Variants in PTPRG observed in about 807,000 individuals in gnomAD.
PTPRG encodes protein tyrosine phosphatase receptor type G.
Under a neutral mutation model 165.3 loss-of-function variants are expected in PTPRG, and 102 were observed. That is an observed-to-expected ratio of 0.62 (90% CI 0.53 to 0.73). PTPRG has a LOEUF of 0.73. Among genes scored for constraint, PTPRG ranks in the 30% least tolerant of loss-of-function variants. The probability of loss-of-function intolerance (pLI) is 0.00; values close to 1 mark genes in which losing one functional copy is unlikely to be tolerated. For synonymous variants in PTPRG, 675 were observed against 669.5 expected, an observed-to-expected ratio of 1.01 and a Z score of -0.13; for missense variants, 1,866 against 1,861.4, an observed-to-expected ratio of 1.00 and a Z score of -0.05.
chr3:62,177,306 A>T (rs773290762), intron 8 of PTPRG, among the ~76,000 whole-genome samples: 35 of 152,086 alleles, frequency 2.3e-4, no homozygotes, highest in Non-Finnish European at 4.7e-4. Context: ...TAGTAATAAA[A>T]TAGAGATAAT....
chr3:61,797,744 G>T (rs1184638914), intron 2 of PTPRG, among the ~76,000 whole-genome samples: 1 of 152,070 alleles, frequency 6.6e-6, no homozygotes, highest in East Asian at 1.9e-4. Context: ...TTTGTATGCT[G>T]GTGTTAGATC....
In PTPRG at chr3:61,828,509, G is replaced by A. The variant is rs577170357; in HGVS notation, c.190+79527G>A. On this transcript the variant is annotated intron_variant, in intron 2 of 29. Transcript: ENST00000474889. ...TTGCACGTAGTCTTTCATTTTCATA[G>A]TGCCTGGCCCATGCTTAACACCAAA... 5.3e-5 allele frequency among the ~76,000 whole-genome samples: 8 copies of A among 152,332 alleles called. No individual in the cohort carries two copies. In the South Asian group the frequency reaches 1.2e-3, roughly 24 times the overall value.
intron 2 of PTPRG, chr3:61,753,584 G>GGTTTTT: frequency 8.5e-6 from 3 of 350,956 alleles, no homozygotes; most frequent in South Asian, 5.5e-5. Flanking sequence ...GAAATTTGAG[G>GGTTTTT]GTTTTTTTTT....
rs1437786730 is a variant in PTPRG, at chr3:62,252,390, T to G, written c.2468-2734T>G. On this transcript the variant is annotated intron_variant, in intron 15 of 29. Coordinates refer to ENST00000474889, the MANE Select transcript of PTPRG (RefSeq NM_002841.4). This position sits in a 1 kb window ranked among gnomAD's most constrained non-coding sequence, Gnocchi z 4.6. ...GCCAACTTCTTCTGCCATTCTAAACTTTTTTCAGCTGCAAGATGCATATGA... is the reference window on the plus strand; with the variant it reads ...GCCAACTTCTTCTGCCATTCTAAACGTTTTTCAGCTGCAAGATGCATATGA... Among the ~76,000 whole-genome samples, 1 of 152,180 alleles carries G rather than the reference T, an allele frequency of 6.6e-6. No homozygotes were observed. The highest frequency in any genetic ancestry group is 1.5e-5 in the Non-Finnish European group (1 of 68,014).
intron 2 of PTPRG, among the ~76,000 whole-genome samples, chr3:61,923,321 C>T (rs920566827): frequency 6.6e-6 from 1 of 152,146 alleles, no homozygotes; most frequent in Admixed American, 6.5e-5. Context: ...AACCGTACAT[C>T]ATATTTGCTG....
At chr3:61,565,399 C>G (rs887032409) in intron 1 of PTPRG, among the ~76,000 whole-genome samples, 2 of 152,008 alleles carry the variant, frequency 1.3e-5, no homozygotes, top group Non-Finnish European at 2.9e-5. Flanking sequence ...TATAATGGAT[C>G]CCCCACCCAA....
Position 62,057,159 on chromosome 3 carries a change from G to T in PTPRG, c.520-21004G>T, listed in dbSNP as rs527390839. On this transcript the variant is annotated intron_variant, in intron 4 of 29. Transcript: ENST00000474889. ...TGGGAGGTATTTGCAATTGAGATCA[G>T]AGTTTTAATGGGCCTTACCTGAGAA... Among the ~76,000 whole-genome samples the T allele has an allele frequency of 5.3e-5, 8 of 152,318 alleles. No individual in the cohort carries two copies. In the South Asian group the frequency reaches 1.4e-3, roughly 28 times the overall value.
intron 6 of PTPRG, among the ~76,000 whole-genome samples, chr3:62,152,889 C>T (rs28497382): frequency 0.01 from 1,586 of 152,236 alleles, 25 homozygotes; most frequent in African/African-American, 0.037. Context: ...AGAATATGAC[C>T]GAAGGCCAAA....
At chr3:61,934,112 T>C (rs1271946631) in intron 2 of PTPRG, among the ~76,000 whole-genome samples, 1 of 152,214 alleles carries the variant, frequency 6.6e-6, no homozygotes, top group Non-Finnish European at 1.5e-5. Flanking sequence ...CTTTCAGTGG[T>C]GTGGGGATGT....
At chr3:62,044,276 C>T (rs778856123) in intron 4 of PTPRG, among the ~76,000 whole-genome samples, 1 of 152,214 alleles carries the variant, frequency 6.6e-6, no homozygotes, top group African/African-American at 2.4e-5. Flanking sequence ...TGGTGGCTCA[C>T]GCCTGTAATC....
At position 61,879,178 on chromosome 3, in the gene PTPRG, G is replaced by T. The variant is rs538268540; in HGVS notation, c.191-110447G>T. 9.2e-5 allele frequency among the ~76,000 whole-genome samples: 14 copies of T among 152,292 alleles called. No individual in the cohort carries two copies. In the South Asian group the frequency reaches 2.9e-3, roughly 32 times the overall value. ...ACAGTGTGAGCTGCAGGACTATAAT[G>T]CTGTTCACTTTACATGGTGATCAGA... On this transcript the variant is annotated intron_variant, in intron 2 of 29. Transcript: ENST00000474889.
At chr3:61,600,181 T>C (rs1392961003) in intron 1 of PTPRG, among the ~76,000 whole-genome samples, 7 of 139,448 alleles carry the variant, frequency 5.0e-5, no homozygotes, top group African/African-American at 1.7e-4. Flanking sequence ...AAAATATATA[T>C]ATATATATAT....
chr3:62,293,281 G>A lies in PTPRG; in HGVS notation c.4312G>A (p.Ala1438Thr). 1 of 1,603,670 alleles carries A rather than the reference G, an allele frequency of 6.2e-7. No homozygotes were observed. Among genetic ancestry groups the A allele is most frequent in the Non-Finnish European group, 8.5e-7 (1 of 1,176,596 alleles). Reference sequence around the variant, plus strand: ...TCTTATTGCAGATGAATCAGACCCTGCTGAGAGCATGGAGTCCCTAGTGTG... The same window carrying A: ...TCTTATTGCAGATGAATCAGACCCTACTGAGAGCATGGAGTCCCTAGTGTG... ...AVLIADESDP[A>T]ESMESLV The change falls in exon 30 of 30, where the codon GCT becomes ACT. Residue 1438 changes from alanine to threonine, a missense_variant. Coordinates refer to ENST00000474889, the MANE Select transcript of PTPRG (RefSeq NM_002841.4).
chr3:62,154,854 G>A (rs1193057085), intron 6 of PTPRG, among the ~76,000 whole-genome samples: 1 of 152,218 alleles, frequency 6.6e-6, no homozygotes, highest in Non-Finnish European at 1.5e-5. Flanking sequence ...AGGGAGACAT[G>A]AAGGTGGTAG....
intron 1 of PTPRG, among the ~76,000 whole-genome samples, chr3:61,627,748 C>G (rs891280762): frequency 3.9e-5 from 6 of 152,054 alleles, no homozygotes; most frequent in African/African-American, 1.4e-4. Flanking sequence ...TGGGAGGATT[C>G]TTTATTTGCT....
chr3:61,676,863 G>A (rs1331598596), intron 1 of PTPRG, among the ~76,000 whole-genome samples: 1 of 152,166 alleles, frequency 6.6e-6, no homozygotes, highest in African/African-American at 2.4e-5. Flanking sequence ...TCCATAGCTA[G>A]TTAGATGGAG....
intron 2 of PTPRG, among the ~76,000 whole-genome samples, chr3:61,918,398 C>T (rs1034522280): frequency 6.6e-6 from 1 of 151,890 alleles, no homozygotes; most frequent in Non-Finnish European, 1.5e-5. Context: ...AGTATATGTA[C>T]ATAAGGTGAG....
chr3:61,610,330 G>C (rs938162380), intron 1 of PTPRG, among the ~76,000 whole-genome samples: 4 of 152,034 alleles, frequency 2.6e-5, no homozygotes, highest in Non-Finnish European at 5.9e-5. Context: ...ACTACTACTG[G>C]CTCTATCATC....
intron 1 of PTPRG, among the ~76,000 whole-genome samples, chr3:61,723,419 AC>A (rs1190824303): frequency 1.3e-5 from 2 of 152,072 alleles, no homozygotes; most frequent in Non-Finnish European, 2.9e-5. Flanking sequence ...ATACATGTGC[AC>A]ATTTTTGGTG....
Sources: allele counts gnomAD v4.1 joint callset (sites outside exome capture counted in the v4.1 genomes callset), GRCh38; gene constraint gnomAD v4.1.1; non-coding constraint Gnocchi (gnomAD v3.1); transcripts MANE v1.5; gene names NCBI Gene and HGNC (gene_info 2026-07-23, HGNC 2026-07-21).